The following LARGE1 variants were observed in gnomAD, a reference collection of about 807,000 sequenced individuals.
The protein encoded by LARGE1 is LARGE xylosyl- and glucuronyltransferase 1, also known as xylosyl- and glucuronyltransferase LARGE1.
In LARGE1, 43 loss-of-function variants were observed where a neutral mutation model predicts 87.6. The observed-to-expected ratio is 0.49, with a 90% CI of 0.38 to 0.63. The LOEUF (loss-of-function observed/expected upper bound fraction) is 0.63. LARGE1 is among the 30% of genes least tolerant of loss of function. The pLI, the probability that LARGE1 is intolerant of heterozygous loss-of-function variation, is 0.00. For missense variants in LARGE1, 802 were observed against 1,000.2 expected, an observed-to-expected ratio of 0.80 and a Z score of 2.67; for synonymous variants, 434 against 394.6, an observed-to-expected ratio of 1.10 and a Z score of -1.18.
chr22:33,169,693 T>C (rs1343946483), intron 11 of LARGE1, among the ~76,000 whole-genome samples: 1 of 151,492 alleles, frequency 6.6e-6, no homozygotes, highest in Non-Finnish European at 1.5e-5. Flanking sequence ...CTACGAAAAA[T>C]ACAAAAAATT....
intron 6 of LARGE1, among the ~76,000 whole-genome samples, chr22:33,452,895 C>T (rs1034791282): frequency 2.6e-5 from 4 of 152,156 alleles, no homozygotes; most frequent in Middle Eastern, 3.2e-3. Context: ...AAGAAATGAA[C>T]CCTGCACAAT....
chr22:33,817,529 T>G (rs2146225751), intron 1 of LARGE1, among the ~76,000 whole-genome samples: 1 of 152,192 alleles, frequency 6.6e-6, no homozygotes, highest in South Asian at 2.1e-4. Flanking sequence ...ATTGTTCTCC[T>G]GACAGCCAAG....
At chr22:33,462,445 A>C (rs1392093604) in intron 6 of LARGE1, among the ~76,000 whole-genome samples, 1 of 152,162 alleles carries the variant, frequency 6.6e-6, no homozygotes, top group Non-Finnish European at 1.5e-5. Context: ...TGTGAAGAAT[A>C]GTGAGAAAAA....
At chr22:33,824,574 C>T (rs1381776050) in intron 1 of LARGE1, among the ~76,000 whole-genome samples, 1 of 152,160 alleles carries the variant, frequency 6.6e-6, no homozygotes, top group Non-Finnish European at 1.5e-5. Context: ...AACCATATCA[C>T]TTACACACTC....
intron 2 of LARGE1, among the ~76,000 whole-genome samples, chr22:33,712,425 G>T (rs990714508): frequency 6.6e-6 from 1 of 152,098 alleles, no homozygotes; most frequent in Non-Finnish European, 1.5e-5. Flanking sequence ...GCACAAGAGG[G>T]GCATGTTCAC....
At chr22:33,626,514 T>A (rs1455316631) in intron 3 of LARGE1, among the ~76,000 whole-genome samples, 188 bp from the exon 4 acceptor site, 8 of 152,234 alleles carry the variant, frequency 5.3e-5, no homozygotes, top group Admixed American at 5.2e-4. Context: ...AATCGGCTTA[T>A]GGAGCTATTA....
chr22:33,407,223 G>A (rs938525141), intron 7 of LARGE1, among the ~76,000 whole-genome samples: 3 of 152,106 alleles, frequency 2.0e-5, no homozygotes, highest in Non-Finnish European at 2.9e-5. Context: ...TCACAAGCAC[G>A]ATCATCGCAC....
In LARGE1 at chr22:33,299,127, G is replaced by A. The variant is rs145210300; in HGVS notation, c.1730+5102C>T. ...CTGGGGAGACTAAAGTGGGAGCATC[G>A]CTTGAGCCTGGGGAGGTTGAGGTTG... On this transcript the variant is annotated intron_variant, in intron 12 of 14. Coordinates refer to ENST00000397394, the MANE Select transcript of LARGE1 (RefSeq NM_133642.5). Among the ~76,000 whole-genome samples, 754 of 152,112 alleles carry A rather than the reference G, an allele frequency of 5.0e-3. 4 individuals are homozygous for A. Among genetic ancestry groups the A allele is most frequent in the Admixed American group, 8.2e-3 (126 of 15,276 alleles).
chr22:33,366,810 CT>C (rs372743462), intron 9 of LARGE1, among the ~76,000 whole-genome samples: 3,472 of 151,550 alleles, frequency 0.023, 81 homozygotes, highest in African/African-American at 0.066. Context: ...GACTAATGCA[CT>C]TTTTTTTTGT....
At position 33,366,348 on chromosome 22, in the gene LARGE1, C is replaced by T. The variant is rs546604117; in HGVS notation, c.1131+15571G>A. On this transcript the variant is annotated intron_variant, in intron 9 of 14. Transcript: ENST00000397394. ...TGAGCAAATGCTCAGCAATAGTTTA[C>T]TGTAGGTTTTCACTAGTTACTATTT... Among the ~76,000 whole-genome samples, 5 of 152,366 alleles carry T rather than the reference C, an allele frequency of 3.3e-5. No homozygotes were observed. In the East Asian group the frequency reaches 9.6e-4, roughly 29 times the overall value.
At chr22:33,526,972 T>C (rs1602260759) in intron 6 of LARGE1, among the ~76,000 whole-genome samples, 1 of 152,086 alleles carries the variant, frequency 6.6e-6, no homozygotes, top group East Asian at 1.9e-4. Context: ...AAATGGAAAT[T>C]CCGGCTGGGT....
chr22:33,171,462 C>G (rs1922567280), intron 11 of LARGE1, among the ~76,000 whole-genome samples: 2 of 152,186 alleles, frequency 1.3e-5, no homozygotes, highest in African/African-American at 4.8e-5. Flanking sequence ...CAGCCCCTCC[C>G]ATCACAGGCC....
chr22:33,401,508 C>A (rs547333325), intron 7 of LARGE1, among the ~76,000 whole-genome samples: 5 of 152,284 alleles, frequency 3.3e-5, no homozygotes, highest in Admixed American at 2.0e-4. Context: ...TCCATGCCAA[C>A]CAGCCAGTCA....
chr22:33,304,422 A>T lies in LARGE1; in HGVS notation c.1537T>A (p.Phe513Ile). Residue 513 changes from phenylalanine to isoleucine, a missense_variant, in exon 12 of 15, where the codon TTC becomes ATC. This residue lies in a region of LARGE1 where 625 missense variants were observed against 841.9 expected (regional missense o/e 0.74). Transcript: ENST00000397394. ...LYLSDAEAQQ[F>I]LRYAQGSEVL... ...TCAGAGCCCTGTGCGTAGCGGAGGA[A>T]CTGCTGGGCCTCGGCGTCTGACAGG... The T allele has an allele frequency of 6.2e-7, 1 of 1,614,182 alleles. No homozygotes were observed. Among genetic ancestry groups the T allele is most frequent in the Non-Finnish European group, 8.5e-7 (1 of 1,180,026 alleles).
At chr22:33,771,227 G>T (rs2085060461) in intron 1 of LARGE1, among the ~76,000 whole-genome samples, 2 of 141,586 alleles carry the variant, frequency 1.4e-5, no homozygotes, top group South Asian at 4.4e-4. Context: ...GCCACGGTTT[G>T]TTACTATAAT....
intron 9 of LARGE1, among the ~76,000 whole-genome samples, chr22:33,377,333 A>G (rs2147070962): frequency 6.6e-6 from 1 of 152,322 alleles, no homozygotes; most frequent in South Asian, 2.1e-4. Context: ...CCAGTCTTGG[A>G]CTGGTGTCAA....
At chr22:33,892,717 T>C (rs928421518) in intron 1 of LARGE1, among the ~76,000 whole-genome samples, 2 of 151,886 alleles carry the variant, frequency 1.3e-5, no homozygotes, top group Non-Finnish European at 1.5e-5. Context: ...CTAAAGGTGG[T>C]ACAACAGTGG....
intron 1 of LARGE1, among the ~76,000 whole-genome samples, chr22:33,872,489 A>C (rs1485676489): frequency 6.6e-6 from 1 of 151,922 alleles, no homozygotes; most frequent in African/African-American, 2.4e-5. Context: ...CAGTGTCATC[A>C]TCGCCATCCC....
At chr22:33,323,732 A>T (rs1936965850) in intron 10 of LARGE1, among the ~76,000 whole-genome samples, 1 of 152,250 alleles carries the variant, frequency 6.6e-6, no homozygotes, top group African/African-American at 2.4e-5. Context: ...TGGCTTCTTA[A>T]ACTTTTCTGT....
Sources: gnomAD v4.1 joint callset for allele counts (sites outside exome capture counted in the v4.1 genomes callset) on GRCh38, gnomAD v4.1.1 for gene constraint, gnomAD v4.1.1 regional missense constraint, MANE v1.5 for transcripts, NCBI Gene and HGNC (gene_info 2026-07-23, HGNC 2026-07-21) for gene names.